OTOG: variants seen among roughly 807,000 people sequenced by gnomAD.
OTOG encodes the protein otogelin.
A neutral mutation model predicts 313.8 loss-of-function variants in OTOG; 296 were observed. That is an observed-to-expected ratio of 0.94 (90% confidence interval 0.86 to 1.04). OTOG has a LOEUF of 1.04. OTOG is among the 50% of genes least tolerant of loss of function. OTOG has a pLI of 0.00. For synonymous variants in OTOG, 1,533 were observed against 1,554.9 expected, an observed-to-expected ratio of 0.99 and a Z score of 0.33; for missense variants, 3,948 against 3,840.1, an observed-to-expected ratio of 1.03 and a Z score of -0.74.
chr11:17,623,669 G>A (rs188160748), intron 39 of OTOG, among the ~76,000 whole-genome samples: 13 of 152,276 alleles, frequency 8.5e-5, no homozygotes, highest in Admixed American at 3.3e-4. Context: ...ACCCAGTAAT[G>A]GGATTGCTGG....
At chr11:17,595,898 C>T (rs1853086564) in intron 28 of OTOG, 140 bp from the exon 29 acceptor site, 4 of 665,946 alleles carry the variant, frequency 6.0e-6, no homozygotes, top group Non-Finnish European at 8.2e-6. Flanking sequence ...GTCCCTTCTA[C>T]ACTCAAGGGG....
At chr11:17,631,991 C>A in intron 41 of OTOG, 69 bp downstream of exon 41, 3 of 1,541,808 alleles carry the variant, frequency 1.9e-6, no homozygotes, top group Non-Finnish European at 2.6e-6. Context: ...CACCTACCTG[C>A]AGAGGCTCAT....
At chr11:17,625,479 C>T (rs1401700721) in intron 39 of OTOG, among the ~76,000 whole-genome samples, 2 of 152,102 alleles carry the variant, frequency 1.3e-5, no homozygotes, top group Admixed American at 6.5e-5. Flanking sequence ...TATGTTGAAC[C>T]AACATTGCCT....
intron 30 of OTOG, among the ~76,000 whole-genome samples, chr11:17,599,266 G>A (rs1853186754): frequency 6.6e-6 from 1 of 152,190 alleles, no homozygotes; most frequent in Non-Finnish European, 1.5e-5. Flanking sequence ...AAGGCTCTTG[G>A]AAGACCAGCC....
At chr11:17,553,023 A>G in intron 4 of OTOG, 96 bp from the exon 5 acceptor site, 1 of 1,110,154 alleles carries the variant, frequency 9.0e-7, no homozygotes. Context: ...GCTGCCTGTT[A>G]TGGGGGTCTG....
At chr11:17,556,742 C>A (rs149424241) in intron 7 of OTOG, among the ~76,000 whole-genome samples, 3 of 152,186 alleles carry the variant, frequency 2.0e-5, no homozygotes, top group Non-Finnish European at 4.4e-5. Flanking sequence ...GTCAAGGCTG[C>A]TGGAGCCCGC....
intron 44 of OTOG, 138 bp downstream of exon 44, chr11:17,634,419 G>A: frequency 1.0e-6 from 1 of 962,160 alleles, no homozygotes; most frequent in Non-Finnish European, 1.5e-6. Flanking sequence ...TGGAGGAGGG[G>A]AGAACCCTCC....
At chr11:17,593,561 G>T (rs1277624249) in intron 26 of OTOG, 49 bp from the exon 27 acceptor site, 10 of 1,540,488 alleles carry the variant, frequency 6.5e-6, no homozygotes, top group African/African-American at 1.4e-5. Context: ...AGCTGACCTG[G>T]GCGCTAGGGG....
chr11:17,585,997 A>G (rs956261868), intron 23 of OTOG, among the ~76,000 whole-genome samples: 1 of 152,196 alleles, frequency 6.6e-6, no homozygotes, highest in East Asian at 1.9e-4. Flanking sequence ...GAGATCTTTA[A>G]TAAGTGCCCT....
chr11:17,577,382 GA>G (rs59968965), intron 22 of OTOG, among the ~76,000 whole-genome samples: 6,007 of 151,688 alleles, frequency 0.04, 395 homozygotes, highest in African/African-American at 0.14. Flanking sequence ...GTGGTCGTGG[GA>G]TGGGGGTCAA....
Position 17,557,285 on chromosome 11 carries a change from A to G in OTOG, c.827A>G (p.Asn276Ser). ...TGGACCCATGGGCTGTGTGGGAACAACAATGCTGACCCCAAGGATGATCTG... is the reference window on the plus strand; with the variant it reads ...TGGACCCATGGGCTGTGTGGGAACAGCAATGCTGACCCCAAGGATGATCTG... ...LGWTHGLCGN[N>S]NADPKDDLVT... The change falls in exon 8 of 56, where the codon AAC (asparagine) becomes AGC (serine). Residue 276 changes from asparagine (N) to serine (S), a missense_variant. Transcript: ENST00000399397. 1 of 1,550,478 alleles carries G rather than the reference A, an allele frequency of 6.4e-7. No homozygotes were observed. The highest frequency in any genetic ancestry group is 2.4e-5 in the East Asian group (1 of 40,922).
At chr11:17,608,513 T>C in intron 34 of OTOG, 100 bp downstream of exon 34, 1 of 787,438 alleles carries the variant, frequency 1.3e-6, no homozygotes, top group Middle Eastern at 3.2e-4. Flanking sequence ...ATGTTGAGTG[T>C]ATGGGGATGT....
At chr11:17,562,804 C>T (rs192360723) in intron 15 of OTOG, among the ~76,000 whole-genome samples, 1 of 152,132 alleles carries the variant, frequency 6.6e-6, no homozygotes, top group Non-Finnish European at 1.5e-5. Flanking sequence ...TCCTTCTTTC[C>T]TTCCATCCTT....
intron 25 of OTOG, among the ~76,000 whole-genome samples, chr11:17,592,132 G>T (rs1039155931): frequency 1.3e-5 from 2 of 152,146 alleles, no homozygotes; most frequent in Non-Finnish European, 2.9e-5. Context: ...CCTGGAGGAA[G>T]AAAACTGGTG....
intron 23 of OTOG, among the ~76,000 whole-genome samples, chr11:17,584,841 T>C (rs553731638): frequency 6.6e-6 from 1 of 152,258 alleles, no homozygotes; most frequent in African/African-American, 2.4e-5. Flanking sequence ...ATTGATTTTA[T>C]TTATTGGAGT....
chr11:17,635,059 T>C, intron 45 of OTOG, 21 bp from the exon 46 acceptor site: 1 of 1,542,962 alleles, frequency 6.5e-7, no homozygotes, highest in Non-Finnish European at 8.8e-7. Context: ...TCCCAGCACC[T>C]AAATTCAGCC....
At chr11:17,644,120 C>A (rs1174630181) in intron 54 of OTOG, among the ~76,000 whole-genome samples, 1 of 152,250 alleles carries the variant, frequency 6.6e-6, no homozygotes, top group Non-Finnish European at 1.5e-5. Flanking sequence ...GGCTATTGGG[C>A]CTGCAGTGCA....
intron 33 of OTOG, 42 bp from the exon 34 acceptor site, chr11:17,608,254 T>C (rs770348898): frequency 7.3e-7 from 1 of 1,367,590 alleles, no homozygotes; most frequent in South Asian, 1.4e-5. Flanking sequence ...TCCCTCTGTG[T>C]CTTCACCTGA....
At chr11:17,613,413 G>A (rs995780255) in intron 38 of OTOG, among the ~76,000 whole-genome samples, 199 bp from the exon 39 acceptor site, 1 of 117,972 alleles carries the variant, frequency 8.5e-6, no homozygotes, top group African/African-American at 3.8e-5. Context: ...TTCTGTTTTG[G>A]TCTGGGCTTG....
Sources: gnomAD v4.1 joint callset for allele counts (sites outside exome capture counted in the v4.1 genomes callset) on GRCh38, gnomAD v4.1.1 for gene constraint, MANE v1.5 for transcripts, NCBI Gene and HGNC (gene_info 2026-07-23, HGNC 2026-07-21) for gene names.